Variants in SPG21 observed in about 807,000 individuals in gnomAD.
SPG21 encodes maspardin.
A neutral mutation model predicts 38.9 loss-of-function variants in SPG21; 26 were observed. The observed-to-expected ratio is 0.67, with a 90% CI of 0.49 to 0.93. The LOEUF is 0.93. Among genes scored for constraint, SPG21 ranks in the 40% least tolerant of loss-of-function variants. The pLI is 0.00. For synonymous variants in SPG21, 136 were observed against 128.9 expected (o/e 1.05, Z -0.37); for missense variants, 333 against 376.5 (o/e 0.88, Z 0.96).
intron 5 of SPG21, among the ~76,000 whole-genome samples, chr15:64,972,828 T>C (rs2085696150): frequency 6.6e-6 from 1 of 151,996 alleles, no homozygotes; most frequent in Non-Finnish European, 1.5e-5. Context: ...CGAGACTCCA[T>C]CTCAAAAACA....
At chr15:64,968,719 AG>A (rs1276259043) in intron 7 of SPG21, among the ~76,000 whole-genome samples, 2 of 152,154 alleles carry the variant, frequency 1.3e-5, no homozygotes, top group Admixed American at 6.5e-5. Flanking sequence ...TAAAAAAATA[AG>A]CAAGCTTTTG....
Position 64,963,744 on chromosome 15 carries a change from A to C in SPG21, c.811-8T>G, listed in dbSNP as rs1160038517. On this transcript the variant is annotated splice_region_variant and splice_polypyrimidine_tract_variant and intron_variant, in intron 8 of 8. Transcript: ENST00000204566. ...GAATTGCAGCAAATGTATCTGTTGA[A>C]ATGCAGAATCATTATTTTATTTATT... The C allele has an allele frequency of 6.2e-7, 1 of 1,609,358 alleles. No homozygotes were observed. Among genetic ancestry groups the C allele is most frequent in the Non-Finnish European group, 8.5e-7 (1 of 1,175,888 alleles).
At chr15:64,980,764 C>G in intron 3 of SPG21, 100 bp downstream of exon 3, 1 of 1,360,506 alleles carries the variant, frequency 7.4e-7, no homozygotes, top group Non-Finnish European at 1.0e-6. Flanking sequence ...AACAAACAAA[C>G]AAACAAACTG....
At chr15:64,974,470 G>A (rs2085736280) in intron 5 of SPG21, 132 bp downstream of exon 5, 1 of 1,064,158 alleles carries the variant, frequency 9.4e-7, no homozygotes. Context: ...GCAAGACTCT[G>A]TCTCAAAAAA....
chr15:64,967,927 A>G (rs1017848152), intron 7 of SPG21, among the ~76,000 whole-genome samples: 3 of 152,160 alleles, frequency 2.0e-5, no homozygotes, highest in Non-Finnish European at 4.4e-5. Context: ...CTTTTACACC[A>G]ATGTTCATAG....
chr15:64,976,035 C>T (rs2085765795), intron 4 of SPG21, among the ~76,000 whole-genome samples: 1 of 152,062 alleles, frequency 6.6e-6, no homozygotes. Context: ...GTGATGGTTG[C>T]ACATACCTGG....
intron 5 of SPG21, among the ~76,000 whole-genome samples, chr15:64,970,875 G>C (rs867292497): frequency 6.6e-6 from 1 of 151,896 alleles, no homozygotes; most frequent in Non-Finnish European, 1.5e-5. Flanking sequence ...GAGTAGCTGC[G>C]ACTACAGGCA....
At chr15:64,976,980 G>A (rs147327361) in intron 3 of SPG21, among the ~76,000 whole-genome samples, 5 of 152,254 alleles carry the variant, frequency 3.3e-5, no homozygotes, top group African/African-American at 1.2e-4. Flanking sequence ...TCTCTTTTTG[G>A]TAGCATTTCT....
At chr15:64,980,756 C>A in intron 3 of SPG21, 108 bp downstream of exon 3, 1 of 1,307,020 alleles carries the variant, frequency 7.7e-7, no homozygotes, top group Admixed American at 2.1e-5. Context: ...AACAAACAAA[C>A]AAACAAACAA....
chr15:64,983,132 C>A, intron 2 of SPG21: 1 of 287,198 alleles, frequency 3.5e-6, no homozygotes, highest in Non-Finnish European at 7.2e-6. Flanking sequence ...GTAGCGCATG[C>A]CTGTAATCCT....
chr15:64,985,301 G>A (rs777197614), intron 1 of SPG21, among the ~76,000 whole-genome samples: 3 of 152,178 alleles, frequency 2.0e-5, no homozygotes, highest in Non-Finnish European at 4.4e-5. Flanking sequence ...ATCTATGACT[G>A]TGTTACCACT....
At chr15:64,971,494 G>A (rs1458403127) in intron 5 of SPG21, among the ~76,000 whole-genome samples, 5 of 151,104 alleles carry the variant, frequency 3.3e-5, no homozygotes, top group Admixed American at 6.6e-5. Context: ...AGCCAAGATC[G>A]TGCCATGGCA....
At chr15:64,988,540 T>A (rs2140459657) in intron 1 of SPG21, 1 of 152,352 alleles carries the variant, frequency 6.6e-6, no homozygotes, top group East Asian at 1.9e-4. Context: ...ATCCTTTTCT[T>A]AGATCTCTTC....
At chr15:64,969,178 T>C in intron 7 of SPG21, 77 bp downstream of exon 7, 1 of 1,045,944 alleles carries the variant, frequency 9.6e-7, no homozygotes. Flanking sequence ...TTGAAAGTTA[T>C]CAAATAGTTT....
intron 3 of SPG21, among the ~76,000 whole-genome samples, chr15:64,978,123 G>A (rs140346127): frequency 4.0e-5 from 6 of 149,632 alleles, no homozygotes; most frequent in South Asian, 4.5e-4. Context: ...GAGCCACCGC[G>A]CCTGGCCAAG....
intron 5 of SPG21, 123 bp from the exon 6 acceptor site, chr15:64,970,345 A>G: frequency 2.5e-6 from 2 of 794,980 alleles, no homozygotes; most frequent in Non-Finnish European, 4.3e-6. Flanking sequence ...CCCCTCCTCC[A>G]AAGAGCTCAG....
In SPG21 at chr15:64,980,893, G is replaced by A. The variant is rs1242996096; in HGVS notation, c.196C>T (p.Leu66=). ...ATAACCCGGTAACCCCATCCAGTCA[G>A]AGCCAAAATCTGCCGGAAAAAGACA... is the stretch of plus-strand genomic sequence containing the variant. ...ADVFFRQILA[L]TGWGYRVIAL... Residue 66 remains leucine (L), a synonymous_variant, in exon 3 of 9, where the codon CTG becomes TTG. Transcript: ENST00000204566. 6 of 1,613,788 alleles carry A rather than the reference G, an allele frequency of 3.7e-6. No homozygotes were observed. The highest frequency in any genetic ancestry group is 5.1e-6 in the Non-Finnish European group (6 of 1,179,962).
chr15:64,973,222 G>A (rs962424939), intron 5 of SPG21, among the ~76,000 whole-genome samples: 6 of 152,102 alleles, frequency 3.9e-5, no homozygotes, highest in Non-Finnish European at 5.9e-5. Context: ...TCCTGTCTTG[G>A]CCTCCCAAAG....
intron 5 of SPG21, among the ~76,000 whole-genome samples, chr15:64,971,601 G>A (rs187383293): frequency 2.1e-3 from 317 of 151,862 alleles, no homozygotes; most frequent in Middle Eastern, 3.4e-3. Flanking sequence ...AACTTTGGGA[G>A]GCCAAGGTGG....
Sources: gnomAD v4.1 joint callset for allele counts (sites outside exome capture counted in the v4.1 genomes callset) on GRCh38, gnomAD v4.1.1 for gene constraint, MANE v1.5 for transcripts, NCBI Gene and HGNC (gene_info 2026-07-23, HGNC 2026-07-21) for gene names.